Variants in NOL4L observed in about 807,000 individuals in gnomAD.
NOL4L encodes nucleolar protein 4 like.
A neutral mutation model predicts 64.5 loss-of-function variants in NOL4L; 7 were observed. The ratio of observed to expected loss-of-function variants is 0.11; its 90% CI spans 0.06 to 0.20. The LOEUF is 0.20. Among genes scored for constraint, NOL4L ranks in the 10% least tolerant of loss-of-function variants. The probability of loss-of-function intolerance (pLI) is 1.00; values close to 1 mark genes in which losing one functional copy is unlikely to be tolerated. For synonymous variants in NOL4L, 413 were observed against 401.0 expected, an observed-to-expected ratio of 1.03 and a Z score of -0.36; for missense variants, 680 against 967.1, an observed-to-expected ratio of 0.70 and a Z score of 3.94.
chr20:32,462,460 A>C lies in NOL4L; in HGVS notation c.842-6065T>G, dbSNP rs2014158044. Among the ~76,000 whole-genome samples, 3 of 152,186 alleles carry C rather than the reference A, an allele frequency of 2.0e-5. No homozygotes were observed. In the South Asian group the frequency reaches 6.2e-4, roughly 31 times the overall value. On this transcript the variant is annotated intron_variant, in intron 5 of 10. Transcript: ENST00000621426. ...TGCCCACAGGAGGGCTCATGCCCAC[A>C]GAAGGGGCTGGCTGCAACCCTCACA...
intron 4 of NOL4L, chr20:32,486,629 C>T (rs145668383): frequency 1.3e-5 from 6 of 454,076 alleles, no homozygotes; most frequent in African/African-American, 1.0e-4. Flanking sequence ...TGTTCAAGCA[C>T]GTCAAAACAT....
chr20:32,489,943 A>G (rs1430057874), intron 4 of NOL4L, among the ~76,000 whole-genome samples: 1 of 152,052 alleles, frequency 6.6e-6, no homozygotes, highest in Non-Finnish European at 1.5e-5. Flanking sequence ...AGCCTGGCCA[A>G]CATGGTAAAA....
intron 1 of NOL4L, among the ~76,000 whole-genome samples, chr20:32,567,166 G>T (rs915541631): frequency 6.6e-6 from 1 of 152,194 alleles, no homozygotes; most frequent in Non-Finnish European, 1.5e-5. Flanking sequence ...AGATCTGGGA[G>T]CCAACAATGG....
chr20:32,507,757 C>G (rs545484143), intron 4 of NOL4L, among the ~76,000 whole-genome samples: 2 of 152,208 alleles, frequency 1.3e-5, no homozygotes, highest in South Asian at 4.2e-4. Flanking sequence ...TGCCTGTAAT[C>G]CCAGCACTTT....
chr20:32,507,094 G>C (rs2017169491), intron 4 of NOL4L, among the ~76,000 whole-genome samples: 1 of 152,216 alleles, frequency 6.6e-6, no homozygotes, highest in Non-Finnish European at 1.5e-5. Context: ...AAGGAGCACA[G>C]TTGTCTCTCT....
Position 32,567,408 on chromosome 20 carries a change from G to T in NOL4L, c.321+17162C>A, listed in dbSNP as rs1049300201. 4.6e-5 allele frequency among the ~76,000 whole-genome samples: 7 copies of T among 152,164 alleles called. No individual in the cohort carries two copies. In the East Asian group the frequency reaches 1.3e-3, roughly 29 times the overall value. ...CGAGGTGGCAGTTCCTTGCCTTCCT[G>T]GTGGCCTCCATGGAGGATTGTTCTC... On this transcript the variant is annotated intron_variant, in intron 1 of 10. Transcript: ENST00000621426.
intron 4 of NOL4L, among the ~76,000 whole-genome samples, chr20:32,478,242 T>TACACACACACACACACAC (rs553898145): frequency 9.0e-5 from 13 of 145,160 alleles, no homozygotes; most frequent in African/African-American, 1.9e-4. Flanking sequence ...AGGCTATATT[T>TACACACACACACACACAC]ACACACACAC....
At chr20:32,511,787 C>T (rs2017418175) in intron 3 of NOL4L, among the ~76,000 whole-genome samples, 1 of 152,154 alleles carries the variant, frequency 6.6e-6, no homozygotes, top group Admixed American at 6.5e-5. Flanking sequence ...GGAGGGGACA[C>T]AGGCCCCAGG....
chr20:32,584,514 C>A, intron 1 of NOL4L, 56 bp downstream of exon 1: 2 of 1,125,486 alleles, frequency 1.8e-6, no homozygotes, highest in Non-Finnish European at 2.3e-6. Flanking sequence ...CGCCCCCGCC[C>A]GCCTGCCCCA....
At chr20:32,495,817 C>T (rs1041124753) in intron 4 of NOL4L, among the ~76,000 whole-genome samples, 12 of 152,042 alleles carry the variant, frequency 7.9e-5, no homozygotes, top group African/African-American at 1.9e-4. Context: ...ATTAGCTGGG[C>T]GCGGTGTTGA....
At chr20:32,479,557 C>T (rs1427521318) in intron 4 of NOL4L, among the ~76,000 whole-genome samples, 1 of 152,118 alleles carries the variant, frequency 6.6e-6, no homozygotes, top group Non-Finnish European at 1.5e-5. Context: ...CACAGTGAGA[C>T]GCTGTCTCTA....
Position 32,461,867 on chromosome 20 carries a change from C to G in NOL4L, c.842-5472G>C, listed in dbSNP as rs184267418. 4.9e-3 allele frequency among the ~76,000 whole-genome samples: 741 copies of G among 152,038 alleles called. 8 individuals are homozygous for G. Among genetic ancestry groups the G allele is most frequent in the African/African-American group, 0.016 (673 of 41,510 alleles). The stretch of plus-strand genomic sequence containing the variant: ...CCAGCCTTCACAGAAGCGGCCCCAG[C>G]CCTAGAGACCCAGAGTTGGTGCAGC... On this transcript the variant is annotated intron_variant, in intron 5 of 10. Transcript: ENST00000621426.
At chr20:32,511,081 C>T (rs993630710) in intron 4 of NOL4L, 2 of 339,842 alleles carry the variant, frequency 5.9e-6, no homozygotes, top group Non-Finnish European at 1.1e-5. Flanking sequence ...TTCCACGTCC[C>T]CTCCTCCCCC....
At chr20:32,477,493 A>G (rs944546001) in intron 4 of NOL4L, among the ~76,000 whole-genome samples, 1 of 152,246 alleles carries the variant, frequency 6.6e-6, no homozygotes, top group Non-Finnish European at 1.5e-5. Flanking sequence ...CTTTCCCTGG[A>G]AAACCTTCGG....
chr20:32,492,777 TG>T (rs1055603128), intron 4 of NOL4L, among the ~76,000 whole-genome samples: 17 of 152,326 alleles, frequency 1.1e-4, no homozygotes, highest in African/African-American at 4.1e-4. Context: ...TAGGGGCTTC[TG>T]GGAGAAGATT....
Position 32,511,453 on chromosome 20 carries a change from T to A in NOL4L, c.593A>T (p.Asn198Ile), listed in dbSNP as rs1293717032. 6.5e-7 allele frequency: 1 copy of A among 1,547,744 alleles called. No homozygotes were observed. The change falls in exon 4 of 11, where the codon AAC becomes ATC. Residue 198 changes from asparagine to isoleucine, a missense_variant. By Grantham distance (149) the Asn-to-Ile change is moderately radical. Around this residue, in one of 4 missense-constraint regions of NOL4L, gnomAD observed 181 missense variants for 335.2 expected, o/e 0.54. Coordinates refer to ENST00000621426, the MANE Select transcript of NOL4L (RefSeq NM_001256798.2). The stretch of plus-strand genomic sequence containing the variant: ...AGAGACCAGTGGAGATGGAGGCTCG[T>A]TTTCTGGCAGAAAGAACAAAAGGAA... ...FNSNGLEPKE[N>I]EPPSPLVSGI...
chr20:32,447,934 G>A, intron 10 of NOL4L, 118 bp from the exon 11 acceptor site: 1 of 1,297,018 alleles, frequency 7.7e-7, no homozygotes, highest in South Asian at 1.8e-5. Flanking sequence ...GTTGGGCACT[G>A]AAGTCCGTGG....
intron 5 of NOL4L, among the ~76,000 whole-genome samples, chr20:32,458,433 G>A (rs957288876): frequency 2.0e-5 from 3 of 152,198 alleles, no homozygotes; most frequent in African/African-American, 7.2e-5. Context: ...CCCTGCCAGG[G>A]ATCCTCATGC....
At chr20:32,462,516 C>T (rs531249548) in intron 5 of NOL4L, among the ~76,000 whole-genome samples, 16 of 152,162 alleles carry the variant, frequency 1.1e-4, no homozygotes, top group Middle Eastern at 3.4e-3. Context: ...GCCAGGAGAA[C>T]GCGCCTGTCA....
Sources: gnomAD v4.1 joint callset for allele counts (sites outside exome capture counted in the v4.1 genomes callset) on GRCh38, gnomAD v4.1.1 for gene constraint, gnomAD v4.1.1 regional missense constraint, MANE v1.5 for transcripts, NCBI Gene and HGNC (gene_info 2026-07-23, HGNC 2026-07-21) for gene names.